Variants in RBFOX1 observed in about 807,000 individuals in gnomAD.
The protein encoded by RBFOX1 is RNA binding protein fox-1 homolog 1.
Under a neutral mutation model 57.7 loss-of-function variants are expected in RBFOX1, and 8 were observed. The ratio of observed to expected loss-of-function variants is 0.14; its 90% CI spans 0.08 to 0.25. RBFOX1 has a LOEUF of 0.25. Ranked by LOEUF, RBFOX1 falls within the 10% of genes least tolerant of loss-of-function variation. RBFOX1 has a pLI of 1.00. For missense variants in RBFOX1, 611 were observed against 548.5 expected (o/e 1.11, Z -1.14); for synonymous variants, 326 against 222.4 (o/e 1.47, Z -4.15).
intron 3 of RBFOX1, among the ~76,000 whole-genome samples, chr16:6,929,454 G>C (rs1012053390): frequency 6.6e-6 from 1 of 152,126 alleles, no homozygotes; most frequent in Non-Finnish European, 1.5e-5. Context: ...TATATCAGAA[G>C]CGTGCTTTTC....
chr16:5,596,207 C>G (rs972259975), intron 2 of RBFOX1, among the ~76,000 whole-genome samples: 6 of 152,156 alleles, frequency 3.9e-5, no homozygotes, highest in African/African-American at 1.4e-4. Flanking sequence ...TAGCTAGGTT[C>G]CCAAGTAAGA....
intron 1 of RBFOX1, among the ~76,000 whole-genome samples, chr16:5,460,465 G>A (rs905317994): frequency 6.6e-6 from 1 of 152,142 alleles, no homozygotes; most frequent in African/African-American, 2.4e-5. Flanking sequence ...GAAAAGAGGG[G>A]CACATCACAT....
chr16:6,800,817 T>G (rs946332114), intron 3 of RBFOX1, among the ~76,000 whole-genome samples: 1 of 152,126 alleles, frequency 6.6e-6, no homozygotes, highest in African/African-American at 2.4e-5. Context: ...TGAGTGACTG[T>G]ATAAATAGCA....
chr16:5,545,362 G>A (rs1597467206), intron 2 of RBFOX1, among the ~76,000 whole-genome samples: 1 of 152,062 alleles, frequency 6.6e-6, no homozygotes, highest in Admixed American at 6.6e-5. Context: ...GATTATTTTA[G>A]GAGACAGGTA....
intron 2 of RBFOX1, among the ~76,000 whole-genome samples, chr16:6,484,701 G>A (rs2095437328): frequency 1.3e-5 from 2 of 152,078 alleles, no homozygotes; most frequent in East Asian, 3.9e-4. Context: ...AAAGAGCTGC[G>A]TTTTCCACCT....
intron 2 of RBFOX1, among the ~76,000 whole-genome samples, chr16:6,381,877 T>C (rs904351497): frequency 6.6e-6 from 1 of 152,208 alleles, no homozygotes; most frequent in Non-Finnish European, 1.5e-5. Context: ...ACGGGTTTAA[T>C]AGCTGTCTCC....
At chr16:7,057,511 C>A (rs1598336645) in intron 4 of RBFOX1, among the ~76,000 whole-genome samples, 1 of 152,138 alleles carries the variant, frequency 6.6e-6, no homozygotes, top group Non-Finnish European at 1.5e-5. Context: ...TCGCTTTCCA[C>A]CGGTATAGGG....
At chr16:7,695,143 T>G (rs1169145786) in intron 14 of RBFOX1, among the ~76,000 whole-genome samples, 1 of 152,184 alleles carries the variant, frequency 6.6e-6, no homozygotes, top group Non-Finnish European at 1.5e-5. Flanking sequence ...ACATTTCAGA[T>G]TGAGAGAGAT....
chr16:7,134,543 C>T (rs1322045114), intron 4 of RBFOX1, among the ~76,000 whole-genome samples: 1 of 152,100 alleles, frequency 6.6e-6, no homozygotes, highest in South Asian at 2.1e-4. Flanking sequence ...TAATTTCATT[C>T]ACAGTTTCCA....
intron 11 of RBFOX1, among the ~76,000 whole-genome samples, chr16:7,635,937 A>T (rs2061681868): frequency 6.6e-6 from 1 of 151,998 alleles, no homozygotes. Context: ...CAGCCTCCCA[A>T]GTAGCTGGGA....
intron 2 of RBFOX1, among the ~76,000 whole-genome samples, chr16:6,565,365 C>T (rs1295142451): frequency 2.6e-5 from 4 of 152,010 alleles, no homozygotes; most frequent in Non-Finnish European, 4.4e-5. Context: ...CAAGCTGATT[C>T]TCCTGCCTCA....
intron 10 of RBFOX1, among the ~76,000 whole-genome samples, chr16:7,617,772 A>T (rs549009812): frequency 6.6e-6 from 1 of 152,332 alleles, no homozygotes; most frequent in South Asian, 2.1e-4. Context: ...TAGTAGAAGG[A>T]TGCAAAACAA....
At chr16:6,535,615 T>G (rs1459059709) in intron 2 of RBFOX1, among the ~76,000 whole-genome samples, 1 of 152,206 alleles carries the variant, frequency 6.6e-6, no homozygotes, top group Non-Finnish European at 1.5e-5. Flanking sequence ...GATTGAATGA[T>G]TCAATGAATG....
At chr16:6,143,089 A>C (rs1364297427) in intron 1 of RBFOX1, among the ~76,000 whole-genome samples, 1 of 152,226 alleles carries the variant, frequency 6.6e-6, no homozygotes, top group Non-Finnish European at 1.5e-5. Flanking sequence ...AATGGAGCTG[A>C]AGTTAAAACC....
intron 2 of RBFOX1, among the ~76,000 whole-genome samples, chr16:6,610,014 AAACAAAAC>A (rs1332520680): frequency 1.3e-4 from 19 of 149,276 alleles, no homozygotes; most frequent in Admixed American, 6.0e-4. Context: ...ACACAAAACA[AAACAAAAC>A]AAAACAAAAC....
intron 4 of RBFOX1, among the ~76,000 whole-genome samples, chr16:7,154,685 TTGTGTGTGTGTGTGTGTGTG>T (rs56742260): frequency 0.28 from 40,245 of 143,184 alleles, 6,695 homozygotes; most frequent in Admixed American, 0.41. Flanking sequence ...CCCTCTTCCT[TTGTGTGTGTGTGTGTGTGTG>T]TGTGTGTGTG....
intron 1 of RBFOX1, among the ~76,000 whole-genome samples, chr16:5,385,945 A>G (rs1162476914): frequency 5.3e-5 from 8 of 151,470 alleles, no homozygotes; most frequent in African/African-American, 1.9e-4. Flanking sequence ...AAAAATGCTG[A>G]ACCATATTTT....
At chr16:6,523,617 C>A (rs76630226) in intron 2 of RBFOX1, among the ~76,000 whole-genome samples, 4,565 of 152,218 alleles carry the variant, frequency 0.03, 131 homozygotes, top group African/African-American at 0.074. Flanking sequence ...GAGATTTTCA[C>A]ATTCTCAAGA....
chr16:6,166,460 C>G (rs2096918061), intron 1 of RBFOX1, among the ~76,000 whole-genome samples: 1 of 152,140 alleles, frequency 6.6e-6, no homozygotes, highest in Non-Finnish European at 1.5e-5. Context: ...TTCTCTCTGA[C>G]TCTCTATTTC....
Sources: gnomAD v4.1 joint callset for allele counts (sites outside exome capture counted in the v4.1 genomes callset) on GRCh38, gnomAD v4.1.1 for gene constraint, MANE v1.5 for transcripts, NCBI Gene and HGNC (gene_info 2026-07-23, HGNC 2026-07-21) for gene names.